Variants in NXPH4 observed in about 807,000 individuals in gnomAD.
NXPH4 encodes neurexophilin-4.
A neutral mutation model predicts 21.3 loss-of-function variants in NXPH4; 8 were observed. The ratio of observed to expected loss-of-function variants is 0.38; its 90% CI spans 0.22 to 0.68. The LOEUF (loss-of-function observed/expected upper bound fraction) is 0.68. Ranked by LOEUF, NXPH4 falls within the 30% of genes least tolerant of loss-of-function variation. The pLI is 0.53. For synonymous variants in NXPH4, 219 were observed against 192.6 expected, an observed-to-expected ratio of 1.14 and a Z score of -1.13; for missense variants, 418 against 416.8, an observed-to-expected ratio of 1.00 and a Z score of -0.03.
chr12:57,224,383 A>T lies in NXPH4; in HGVS notation c.58-495A>T, dbSNP rs993622562. Among the ~76,000 whole-genome samples the T allele has an allele frequency of 1.8e-4, 28 of 151,984 alleles. 1 individual carries two copies. The highest frequency in any genetic ancestry group is 6.5e-4 in the African/African-American group (27 of 41,480). On this transcript the variant is annotated intron_variant, in intron 1 of 1. Transcript: ENST00000349394. The stretch of plus-strand genomic sequence containing the variant: ...GCAATCTGCCCACCTCAGCCCCCCA[A>T]AGTGCTGGGATTACAGGCGTGAGTC...
rs758675769 is a variant in NXPH4 at position 57,225,715 on chromosome 12, A to G, written c.895A>G (p.Asn299Asp). The change falls in exon 2 of 2, where the codon AAC (asparagine) becomes GAC (aspartate). Residue 299 changes from asparagine (N) to aspartate (D), a missense_variant. Transcript: ENST00000349394. Reference protein sequence around the residue: ...KLVQKVCPDYNFQSEHPYFG With the variant: ...KLVQKVCPDYDFQSEHPYFG Reference sequence around the variant, plus strand: ...GGTGCAGAAGGTGTGCCCAGACTATAACTTCCAGAGTGAGCACCCCTACTT... The same window carrying G: ...GGTGCAGAAGGTGTGCCCAGACTATGACTTCCAGAGTGAGCACCCCTACTT... The G allele has an allele frequency of 2.5e-6, 4 of 1,613,642 alleles. No individual in the cohort carries two copies. In the African/African-American group the frequency reaches 4.0e-5, roughly 16 times the overall value.
chr12:57,225,160 C>G lies in NXPH4; in HGVS notation c.340C>G (p.Arg114Gly). ...KIFGWGDFYF[R>G]VHTLKFSLLV... Reference sequence around the variant, plus strand: ...CTTCGGCTGGGGGGACTTCTACTTTCGGGTGCATACCCTCAAGTTTTCGCT... The same window carrying G: ...CTTCGGCTGGGGGGACTTCTACTTTGGGGTGCATACCCTCAAGTTTTCGCT... The change falls in exon 2 of 2, where the codon CGG (arginine) becomes GGG (glycine). Residue 114 changes from arginine (R) to glycine (G), a missense_variant. Physicochemically the swap from Arg to Gly is moderately radical, Grantham distance 125. Transcript: ENST00000349394. 1 of 1,581,922 alleles carries G rather than the reference C, an allele frequency of 6.3e-7. No homozygotes were observed. The highest frequency in any genetic ancestry group is 8.6e-7 in the Non-Finnish European group (1 of 1,163,474).
At position 57,224,930 on chromosome 12, in the gene NXPH4, G is replaced by A; in HGVS notation, c.110G>A (p.Arg37His). ...ESGRPQYLGLRPAAAGAGAPG... is the reference protein window; with the variant it reads ...ESGRPQYLGLHPAAAGAGAPG... Reference sequence around the variant, plus strand: ...GGAAGGCCGCAGTACCTGGGGCTGCGCCCCGCCGCGGCCGGAGCGGGTGCC... The same window carrying A: ...GGAAGGCCGCAGTACCTGGGGCTGCACCCCGCCGCGGCCGGAGCGGGTGCC... The change falls in exon 2 of 2, where the codon CGC (arginine) becomes CAC (histidine). Residue 37 changes from arginine (R) to histidine (H), a missense_variant. Coordinates refer to ENST00000349394, the MANE Select transcript of NXPH4 (RefSeq NM_007224.4). The A allele has an allele frequency of 7.3e-7, 1 of 1,362,196 alleles. No individual in the cohort carries two copies. The allele number at this position is 1,362,196 out of a possible 1,614,324, so 84.4% of individuals were successfully genotyped here.
At chr12:57,218,346 A>T (rs1015464157) in intron 1 of NXPH4, among the ~76,000 whole-genome samples, 10 of 152,186 alleles carry the variant, frequency 6.6e-5, no homozygotes, top group African/African-American at 2.2e-4. Context: ...CCTCCATGAA[A>T]ACTGCTTCCA....
At chr12:57,217,348 G>C (rs2037050825) in intron 1 of NXPH4, among the ~76,000 whole-genome samples, 1 of 152,214 alleles carries the variant, frequency 6.6e-6, no homozygotes, top group Non-Finnish European at 1.5e-5. Context: ...AGCCAGCAGG[G>C]TGTCAGCCTT....
At chr12:57,221,169 T>C in intron 1 of NXPH4, 1 of 368,388 alleles carries the variant, frequency 2.7e-6, no homozygotes, top group African/African-American at 2.1e-5. Flanking sequence ...CACCCCAGGC[T>C]GTCCTGTCCA....
intron 1 of NXPH4, among the ~76,000 whole-genome samples, chr12:57,224,337 G>A (rs1043684710): frequency 1.3e-5 from 2 of 152,028 alleles, no homozygotes; most frequent in African/African-American, 4.8e-5. Flanking sequence ...GGCTGGTCTC[G>A]AACTGAACTC....
chr12:57,217,725 G>A (rs766712883), intron 1 of NXPH4, among the ~76,000 whole-genome samples: 1 of 152,218 alleles, frequency 6.6e-6, no homozygotes, highest in Non-Finnish European at 1.5e-5. Context: ...GCTCTCGGGC[G>A]AAGAGCCAGA....
At chr12:57,221,660 C>T in intron 1 of NXPH4, 1 of 279,026 alleles carries the variant, frequency 3.6e-6, no homozygotes, top group Non-Finnish European at 7.3e-6. Flanking sequence ...TCCGCCCCGC[C>T]CCCGCGCCGA....
Position 57,225,147 on chromosome 12 carries a change from G to A in NXPH4, c.327G>A (p.Gly109=), listed in dbSNP as rs777160448. 1.3e-6 allele frequency: 2 copies of A among 1,570,176 alleles called. No homozygotes were observed. Among genetic ancestry groups the A allele is most frequent in the South Asian group, 1.2e-5 (1 of 86,764 alleles). Residue 109 remains glycine (G), a synonymous_variant, in exon 2 of 2, where the codon GGG becomes GGA. Coordinates refer to ENST00000349394, the MANE Select transcript of NXPH4 (RefSeq NM_007224.4). ...AARAKKIFGW[G]DFYFRVHTLK... is the part of the protein sequence containing the mutation. ...GCGCCAAAAAGATCTTCGGCTGGGG[G>A]GACTTCTACTTTCGGGTGCATACCC...
Position 57,225,050 on chromosome 12 carries a change from T to C in NXPH4, c.230T>C (p.Leu77Pro), listed in dbSNP as rs2136773060. 1 of 1,477,102 alleles carries C rather than the reference T, an allele frequency of 6.8e-7. No homozygotes were observed. The highest frequency in any genetic ancestry group is 9.0e-7 in the Non-Finnish European group (1 of 1,111,962). The allele number at this position is 1,477,102 out of a possible 1,614,324, so 91.5% of individuals were successfully genotyped here. ...WAWPTNHTGA[L>P]ARAGAAGALP... is the part of the protein sequence containing the mutation. Reference sequence around the variant, plus strand: ...TGGCCGACCAACCACACGGGGGCGCTGGCCCGGGCAGGGGCAGCCGGGGCG... The same window carrying C: ...TGGCCGACCAACCACACGGGGGCGCCGGCCCGGGCAGGGGCAGCCGGGGCG... Residue 77 changes from leucine (L) to proline (P), a missense_variant, in exon 2 of 2, where the codon CTG becomes CCG. Coordinates refer to ENST00000349394, the MANE Select transcript of NXPH4 (RefSeq NM_007224.4).
chr12:57,220,268 G>GC (rs2037077980), intron 1 of NXPH4, among the ~76,000 whole-genome samples: 1 of 151,816 alleles, frequency 6.6e-6, no homozygotes, highest in South Asian at 2.1e-4. Context: ...CCTCCACCCC[G>GC]CCCACTCCCC....
At chr12:57,222,437 A>T (rs1162418449) in intron 1 of NXPH4, among the ~76,000 whole-genome samples, 2 of 152,028 alleles carry the variant, frequency 1.3e-5, no homozygotes, top group Non-Finnish European at 2.9e-5. Context: ...ACTGGGTACA[A>T]GACATAGGGG....
rs1169489403 is a variant in NXPH4, at chr12:57,226,274, A to T, written c.*527A>T. ...CCTCCAAACCCTATTAGGGTACCGG[A>T]AGCAGAACCCCTGGGCTGAGGCCCT... On this transcript the variant is annotated 3_prime_UTR_variant, in exon 2 of 2. Coordinates refer to ENST00000349394, the MANE Select transcript of NXPH4 (RefSeq NM_007224.4). 3.5e-6 allele frequency: 1 copy of T among 285,914 alleles called. No homozygotes were observed. The highest frequency in any genetic ancestry group is 6.5e-6 in the Non-Finnish European group (1 of 154,190). The allele number at this position is 285,914 out of a possible 1,614,324, so 17.7% of individuals were successfully genotyped here. A position where few individuals can be genotyped will look rare whatever the true frequency, so the allele number is the denominator to read the frequency against.
In NXPH4 at chr12:57,224,944, G is replaced by A; in HGVS notation, c.124G>A (p.Gly42Arg). ...QYLGLRPAAAGAGAPGQQLPE... is the reference protein window; with the variant it reads ...QYLGLRPAAARAGAPGQQLPE... The stretch of plus-strand genomic sequence containing the variant: ...CCTGGGGCTGCGCCCCGCCGCGGCC[G>A]GAGCGGGTGCCCCCGGCCAGCAGCT... Residue 42 changes from glycine to arginine, a missense_variant, in exon 2 of 2, where the codon GGA (glycine) becomes AGA (arginine). By Grantham distance (125) the Gly-to-Arg change is moderately radical (BLOSUM62 -2). Transcript: ENST00000349394. The A allele has an allele frequency of 3.6e-6, 5 of 1,391,428 alleles. No homozygotes were observed. The East Asian group carries it at 8.5e-5, about 24-fold the overall frequency. 86.2% of individuals were successfully genotyped at this position (1,391,428 alleles called of 1,614,324 possible).
chr12:57,217,008 C>A lies in NXPH4; in HGVS notation c.39C>A (p.Gly13=). 1 of 1,606,472 alleles carries A rather than the reference C, an allele frequency of 6.2e-7. No individual in the cohort carries two copies. Among genetic ancestry groups the A allele is most frequent in the South Asian group, 1.1e-5 (1 of 89,858 alleles). ...LLPEWFLLLF[G]PWLLRKAVSA... ...CGGAATGGTTCCTCTTGCTCTTTGG[C>A]CCGTGGCTCCTTAGGAAGGTAAGAG... Residue 13 remains glycine, a synonymous_variant, in exon 1 of 2, where the codon GGC becomes GGA. Coordinates refer to ENST00000349394, the MANE Select transcript of NXPH4 (RefSeq NM_007224.4).
chr12:57,217,774 C>T (rs1025738166), intron 1 of NXPH4, among the ~76,000 whole-genome samples: 5 of 152,256 alleles, frequency 3.3e-5, no homozygotes, highest in Non-Finnish European at 5.9e-5. Flanking sequence ...TCCTTCCTGA[C>T]TTGGAGGCTT....
intron 1 of NXPH4, among the ~76,000 whole-genome samples, chr12:57,220,426 CG>C (rs1279967262): frequency 1.3e-5 from 2 of 152,170 alleles, no homozygotes; most frequent in Non-Finnish European, 2.9e-5. Flanking sequence ...GTCGTTCCCG[CG>C]GGGACCGCGC....
At chr12:57,222,095 T>C (rs1015648146) in intron 1 of NXPH4, among the ~76,000 whole-genome samples, 2 of 152,086 alleles carry the variant, frequency 1.3e-5, no homozygotes, top group Non-Finnish European at 2.9e-5. Context: ...TTTTATTCCA[T>C]GTTCCCATTT....
Sources: gnomAD v4.1 joint callset for allele counts (sites outside exome capture counted in the v4.1 genomes callset) on GRCh38, gnomAD v4.1.1 for gene constraint, MANE v1.5 for transcripts, NCBI Gene and HGNC (gene_info 2026-07-23, HGNC 2026-07-21) for gene names.